DHRS7B: variants seen among roughly 807,000 people sequenced by gnomAD.
DHRS7B encodes the protein dehydrogenase/reductase 7B.
Under a neutral mutation model 26.4 loss-of-function variants are expected in DHRS7B, and 24 were observed. That is an observed-to-expected ratio of 0.91 (90% CI 0.66 to 1.28). The LOEUF (loss-of-function observed/expected upper bound fraction) is 1.28, where lower values mean the gene tolerates loss of function less well. Ranked by LOEUF, DHRS7B falls within the 50% of genes most tolerant of loss-of-function variation. DHRS7B has a pLI of 0.00. For synonymous variants in DHRS7B, 142 were observed against 166.4 expected (o/e 0.85, Z 1.13); for missense variants, 368 against 419.4 (o/e 0.88, Z 1.07).
At position 21,180,643 on chromosome 17, in the gene DHRS7B, C is replaced by G. The variant is rs75145427; in HGVS notation, c.309+2301C>G. 7.1e-3 allele frequency among the ~76,000 whole-genome samples: 1,085 copies of G among 151,892 alleles called. 12 individuals are homozygous for G. The highest frequency in any genetic ancestry group is 0.024 in the African/African-American group (973 of 41,342). On this transcript the variant is annotated intron_variant, in intron 3 of 6. Coordinates refer to ENST00000395511, the MANE Select transcript of DHRS7B (RefSeq NM_015510.5). ...ATGTCAGTACCATACTGGGTTTTCT[C>G]CCCCTTAGAGGGACGGGGTGGAGCA...
chr17:21,143,327 G>T (rs1973568764), intron 1 of DHRS7B, among the ~76,000 whole-genome samples: 1 of 152,184 alleles, frequency 6.6e-6, no homozygotes, highest in East Asian at 1.9e-4. Flanking sequence ...CTCCCAAAAT[G>T]CTGGGATTAC....
intron 1 of DHRS7B, among the ~76,000 whole-genome samples, chr17:21,138,748 CTTT>C (rs1473477527): frequency 1.3e-5 from 2 of 151,820 alleles, no homozygotes; most frequent in Non-Finnish European, 2.9e-5. Flanking sequence ...CTTGTTCACC[CTTT>C]TTTAAAAAGG....
At chr17:21,142,454 T>C (rs559122619) in intron 1 of DHRS7B, among the ~76,000 whole-genome samples, 1 of 152,252 alleles carries the variant, frequency 6.6e-6, no homozygotes, top group South Asian at 2.1e-4. Context: ...TTTCTGAGTA[T>C]AAAACAATAT....
chr17:21,166,414 A>G, intron 1 of DHRS7B: 1 of 985,330 alleles, frequency 1.0e-6, no homozygotes, highest in Non-Finnish European at 1.2e-6. Flanking sequence ...CCAGGTCAAA[A>G]GACCAGAGAA....
chr17:21,162,746 T>G (rs1044951657), intron 1 of DHRS7B, among the ~76,000 whole-genome samples: 5 of 152,176 alleles, frequency 3.3e-5, no homozygotes, highest in Non-Finnish European at 5.9e-5. Flanking sequence ...ATAGGAGTTA[T>G]CAAAGAGGAC....
chr17:21,161,123 A>G (rs1973990843), intron 1 of DHRS7B, among the ~76,000 whole-genome samples: 1 of 152,208 alleles, frequency 6.6e-6, no homozygotes, highest in Non-Finnish European at 1.5e-5. Context: ...CTACAATGAT[A>G]GATATATGTC....
chr17:21,183,857 C>G, intron 4 of DHRS7B, 47 bp downstream of exon 4: 1 of 1,517,004 alleles, frequency 6.6e-7, no homozygotes, highest in Non-Finnish European at 9.1e-7. Context: ...TGTTGGCATT[C>G]TTTTTACTTC....
chr17:21,140,144 C>T lies in DHRS7B; in HGVS notation c.20+13153C>T, dbSNP rs1422234094. On this transcript the variant is annotated intron_variant, in intron 1 of 6. Transcript: ENST00000395511. ...GGTTCACGCCATTCTCTTGCCTCAG[C>T]CTCCCCCTAGCTGGGACTACAGGCG... Among the ~76,000 whole-genome samples, 3 of 149,150 alleles carry T rather than the reference C, an allele frequency of 2.0e-5. No individual in the cohort carries two copies. The East Asian group carries it at 6.0e-4, about 30-fold the overall frequency.
At chr17:21,178,083 G>GC in intron 2 of DHRS7B, 150 bp from the exon 3 acceptor site, 3 of 721,052 alleles carry the variant, frequency 4.2e-6, no homozygotes, top group Non-Finnish European at 6.9e-6. Flanking sequence ...CCGGCATTGG[G>GC]CCCTAGCTCC....
At chr17:21,144,605 G>A (rs1474268045) in intron 1 of DHRS7B, among the ~76,000 whole-genome samples, 1 of 151,784 alleles carries the variant, frequency 6.6e-6, no homozygotes, top group Non-Finnish European at 1.5e-5. Flanking sequence ...ATCACCTAAG[G>A]TCAGGAGTTC....
intron 5 of DHRS7B, among the ~76,000 whole-genome samples, chr17:21,187,739 A>C (rs1974676809): frequency 6.6e-6 from 1 of 151,910 alleles, no homozygotes; most frequent in East Asian, 1.9e-4. Flanking sequence ...TTTGGAAGAC[A>C]GGAGGACTTT....
chr17:21,178,932 C>T (rs1026073626), intron 3 of DHRS7B, among the ~76,000 whole-genome samples: 16 of 152,104 alleles, frequency 1.1e-4, no homozygotes, highest in Middle Eastern at 3.4e-3. Context: ...GGATTACAGG[C>T]GTGAGCCACC....
intron 1 of DHRS7B, among the ~76,000 whole-genome samples, chr17:21,158,706 T>C (rs1272462323): frequency 1.3e-5 from 2 of 152,194 alleles, no homozygotes; most frequent in Admixed American, 6.5e-5. Flanking sequence ...ATAAAGTTTA[T>C]GTGGAAAGGC....
chr17:21,191,134 G>A lies in DHRS7B; in HGVS notation c.959G>A (p.Arg320Gln), dbSNP rs143358693. 10 of 1,613,490 alleles carry A rather than the reference G, an allele frequency of 6.2e-6. No individual in the cohort carries two copies. Among genetic ancestry groups the A allele is most frequent in the African/African-American group, 2.7e-5 (2 of 74,926 alleles). ...ATGGCCTCCAGGGCCAGAAAAGAGC[G>A]GAAATCCAAGAACTCCTAGTACTCT... ...SLMASRARKE[R>Q]KSKNS is the part of the protein sequence containing the mutation. Residue 320 changes from arginine (R) to glutamine (Q), a missense_variant, in exon 7 of 7, where the codon CGG becomes CAG. By Grantham distance (43) the Arg-to-Gln change is conservative. Coordinates refer to ENST00000395511, the MANE Select transcript of DHRS7B (RefSeq NM_015510.5).
chr17:21,131,438 G>A (rs771479826), intron 1 of DHRS7B, among the ~76,000 whole-genome samples: 5 of 152,154 alleles, frequency 3.3e-5, no homozygotes, highest in African/African-American at 7.2e-5. Flanking sequence ...GTCTTTTAGC[G>A]AGCTAATGCC....
chr17:21,136,957 T>C (rs2143881417), intron 1 of DHRS7B, among the ~76,000 whole-genome samples: 1 of 152,006 alleles, frequency 6.6e-6, no homozygotes, highest in Middle Eastern at 3.4e-3. Context: ...CTTTTAAAAT[T>C]TTTTTTATTT....
At chr17:21,153,735 G>GA (rs1973821472) in intron 1 of DHRS7B, among the ~76,000 whole-genome samples, 1 of 151,886 alleles carries the variant, frequency 6.6e-6, no homozygotes, top group Non-Finnish European at 1.5e-5. Flanking sequence ...TAGAATGGGT[G>GA]AAAAAAAGGG....
chr17:21,181,208 C>T (rs1974508133), intron 3 of DHRS7B, among the ~76,000 whole-genome samples: 1 of 152,146 alleles, frequency 6.6e-6, no homozygotes, highest in African/African-American at 2.4e-5. Flanking sequence ...GCCTCAGCCT[C>T]CTGAGTAGCT....
At chr17:21,166,471 G>C in intron 1 of DHRS7B, 1 of 985,060 alleles carries the variant, frequency 1.0e-6, no homozygotes. Flanking sequence ...TGCCATCTGA[G>C]GTAGGATATT....
Sources: gnomAD v4.1 joint callset for allele counts (sites outside exome capture counted in the v4.1 genomes callset) on GRCh38, gnomAD v4.1.1 for gene constraint, MANE v1.5 for transcripts, NCBI Gene and HGNC (gene_info 2026-07-23, HGNC 2026-07-21) for gene names.